The following ZFHX3 variants were observed in gnomAD, a reference collection of about 807,000 sequenced individuals.
The protein encoded by ZFHX3 is zinc finger homeobox protein 3.
Under a neutral mutation model 279.1 loss-of-function variants are expected in ZFHX3, and 42 were observed. The observed-to-expected ratio is 0.15, with a 90% confidence interval of 0.12 to 0.19. The LOEUF (loss-of-function observed/expected upper bound fraction) is 0.19. ZFHX3 is among the 10% of genes least tolerant of loss of function. ZFHX3 has a pLI of 1.00. For synonymous variants in ZFHX3, 2,293 were observed against 1,957.8 expected, an observed-to-expected ratio of 1.17 and a Z score of -4.52; for missense variants, 4,981 against 4,754.0, an observed-to-expected ratio of 1.05 and a Z score of -1.40.
chr16:72,973,733 G>A (rs12599712), intron 1 of ZFHX3: 21,922 of 152,140 alleles, frequency 0.14, 1,821 homozygotes, highest in East Asian at 0.37. Flanking sequence ...TTAGCCAGGC[G>A]TAGTGGTGGG....
chr16:73,111,285 T>C (rs147378260), intron 7 of ZFHX3, among the ~76,000 whole-genome samples: 1 of 152,310 alleles, frequency 6.6e-6, no homozygotes, highest in East Asian at 1.9e-4. Flanking sequence ...TGTTTTTGTT[T>C]TTTCCCTTGA....
At position 72,889,855 on chromosome 16, in the gene ZFHX3, G is replaced by A. The variant is rs201863005; in HGVS notation, c.3324C>T (p.Arg1108=). The change falls in exon 4 of 10, where the codon CGC becomes CGT. Residue 1108 remains arginine, a synonymous_variant. Coordinates refer to ENST00000268489, the MANE Select transcript of ZFHX3 (RefSeq NM_006885.4). ...TCTCGCTTCGCTGGTGCTTCATGGAGCGCACATGCTGGATGAGGTTGAGCT... is the reference window on the plus strand; with the variant it reads ...TCTCGCTTCGCTGGTGCTTCATGGAACGCACATGCTGGATGAGGTTGAGCT... The part of the protein sequence containing the change: ...KAKLNLIQHV[R]SMKHQRSESL... The A allele has an allele frequency of 2.0e-5, 32 of 1,614,178 alleles. No homozygotes were observed. The African/African-American group carries it at 2.5e-4, about 13-fold the overall frequency.
chr16:73,641,975 T>C (rs995965973), intron 2 of ZFHX3, among the ~76,000 whole-genome samples: 7 of 151,936 alleles, frequency 4.6e-5, no homozygotes, highest in African/African-American at 7.3e-5. Context: ...GAGACGCTGG[T>C]CCACATGCTC....
chr16:73,756,197 C>T (rs1469565811), intron 1 of ZFHX3, among the ~76,000 whole-genome samples: 1 of 152,174 alleles, frequency 6.6e-6, no homozygotes, highest in East Asian at 1.9e-4. Context: ...ATAAAGGGCA[C>T]TGCACATGGT....
chr16:73,270,558 C>T (rs141418724), intron 4 of ZFHX3, among the ~76,000 whole-genome samples: 441 of 152,276 alleles, frequency 2.9e-3, no homozygotes, highest in Admixed American at 6.4e-3. Context: ...AAGATGGTGG[C>T]TCTTGTTCCC....
chr16:73,471,118 A>T (rs796969570), intron 2 of ZFHX3, among the ~76,000 whole-genome samples: 1 of 152,236 alleles, frequency 6.6e-6, no homozygotes, highest in African/African-American at 2.4e-5. Context: ...TCAGGAATTC[A>T]TCAAAGAAAA....
At chr16:73,321,180 G>GTGAT (rs774450195) in intron 3 of ZFHX3, among the ~76,000 whole-genome samples, 17 of 152,162 alleles carry the variant, frequency 1.1e-4, no homozygotes, top group Non-Finnish European at 2.1e-4. Flanking sequence ...TGAGTCTTAC[G>GTGAT]TGATAGAACA....
chr16:73,596,373 T>G (rs2052050464), intron 2 of ZFHX3, among the ~76,000 whole-genome samples: 1 of 152,154 alleles, frequency 6.6e-6, no homozygotes. Context: ...ATGGGAGTTT[T>G]GCTAAACTAT....
intron 1 of ZFHX3, among the ~76,000 whole-genome samples, chr16:73,037,251 C>T (rs191606419): frequency 9.9e-5 from 15 of 152,262 alleles, no homozygotes; most frequent in African/African-American, 1.9e-4. Flanking sequence ...TTCAAATATC[C>T]GGTTGCTATT....
Position 72,909,506 on chromosome 16 carries a change from T to C in ZFHX3, c.3217-19544A>G, listed in dbSNP as rs528844009. ...GCCTGCTCTCAATAAAGGGAACATATACATTATCTTTCTCTCACACACACC... is the reference window on the plus strand; with the variant it reads ...GCCTGCTCTCAATAAAGGGAACATACACATTATCTTTCTCTCACACACACC... On this transcript the variant is annotated intron_variant, in intron 3 of 9. Coordinates refer to ENST00000268489, the MANE Select transcript of ZFHX3 (RefSeq NM_006885.4). 3.9e-5 allele frequency among the ~76,000 whole-genome samples: 6 copies of C among 152,246 alleles called. No individual in the cohort carries two copies. In the South Asian group the frequency reaches 1.2e-3, roughly 32 times the overall value.
chr16:73,378,523 G>T (rs1265980247), intron 3 of ZFHX3, among the ~76,000 whole-genome samples: 4 of 152,072 alleles, frequency 2.6e-5, no homozygotes, highest in Admixed American at 2.0e-4. Flanking sequence ...AATTCTAAAG[G>T]TTAAATGCTA....
intron 2 of ZFHX3, among the ~76,000 whole-genome samples, chr16:73,606,581 T>C (rs960451015): frequency 2.6e-5 from 4 of 152,166 alleles, no homozygotes. Flanking sequence ...TGAGTTTTTA[T>C]TTTATTTCAT....
intron 1 of ZFHX3, among the ~76,000 whole-genome samples, chr16:73,833,780 A>G (rs768869862): frequency 6.6e-6 from 1 of 150,754 alleles, no homozygotes; most frequent in Non-Finnish European, 1.5e-5. Flanking sequence ...AAATACAAAG[A>G]TAATAACTAC....
intron 2 of ZFHX3, among the ~76,000 whole-genome samples, chr16:73,658,188 G>A (rs1489634690): frequency 6.6e-6 from 1 of 152,070 alleles, no homozygotes; most frequent in Non-Finnish European, 1.5e-5. Context: ...TGTTCAACTG[G>A]AATATATGAA....
chr16:73,253,457 T>C (rs76121123), intron 5 of ZFHX3, among the ~76,000 whole-genome samples: 146 of 78,114 alleles, frequency 1.9e-3, no homozygotes, highest in African/African-American at 5.5e-3. Flanking sequence ...TTCTTTCTCT[T>C]TTTTTTTTTT....
At chr16:73,875,830 A>G (rs180976548) in intron 1 of ZFHX3, among the ~76,000 whole-genome samples, 17 of 152,352 alleles carry the variant, frequency 1.1e-4, no homozygotes, top group African/African-American at 3.8e-4. Flanking sequence ...TTAATCATCA[A>G]TGACAAAACC....
At chr16:73,210,154 A>G (rs573354695) in intron 5 of ZFHX3, among the ~76,000 whole-genome samples, 34 of 152,242 alleles carry the variant, frequency 2.2e-4, no homozygotes, top group Non-Finnish European at 4.6e-4. Context: ...CTTGATAAAT[A>G]CTGTAGCATA....
chr16:73,545,719 A>G (rs558237824), intron 2 of ZFHX3, among the ~76,000 whole-genome samples: 1 of 151,878 alleles, frequency 6.6e-6, no homozygotes, highest in Non-Finnish European at 1.5e-5. Context: ...TTATTTATTT[A>G]CTTATTTATT....
intron 4 of ZFHX3, among the ~76,000 whole-genome samples, chr16:73,298,404 G>A (rs930785637): frequency 5.9e-5 from 9 of 151,274 alleles, no homozygotes; most frequent in South Asian, 2.1e-4. Flanking sequence ...AACCAGTCTC[G>A]AACTCCCGAC....
Sources: allele counts gnomAD v4.1 joint callset (sites outside exome capture counted in the v4.1 genomes callset), GRCh38; gene constraint gnomAD v4.1.1; transcripts MANE v1.5; gene names NCBI Gene and HGNC (gene_info 2026-07-23, HGNC 2026-07-21).